The following XIRP2 variants were observed in gnomAD, a reference collection of about 807,000 sequenced individuals.
The protein encoded by XIRP2 is xin actin-binding repeat-containing protein 2.
Under a neutral mutation model 277.0 loss-of-function variants are expected in XIRP2, and 236 were observed. That is an observed-to-expected ratio of 0.85 (90% confidence interval 0.77 to 0.95). The LOEUF is 0.95. Among genes scored for constraint, XIRP2 ranks in the 40% least tolerant of loss-of-function variants. XIRP2 has a pLI of 0.00. For synonymous variants in XIRP2, 1,490 were observed against 1,416.5 expected, an observed-to-expected ratio of 1.05 and a Z score of -1.17; for missense variants, 4,640 against 4,157.5, an observed-to-expected ratio of 1.12 and a Z score of -3.19.
intron 3 of XIRP2, among the ~76,000 whole-genome samples, chr2:167,139,079 T>C (rs917126788): frequency 6.6e-6 from 1 of 150,542 alleles, no homozygotes; most frequent in Non-Finnish European, 1.5e-5. Context: ...AAAATATATA[T>C]ATATGCATAT....
At chr2:167,025,939 G>T (rs569496968) in intron 2 of XIRP2, among the ~76,000 whole-genome samples, 8 of 152,220 alleles carry the variant, frequency 5.3e-5, no homozygotes, top group Admixed American at 2.0e-4. Flanking sequence ...CTGTTGATTT[G>T]GGGTGGAGAG....
chr2:167,023,433 T>C (rs981758851), intron 2 of XIRP2, among the ~76,000 whole-genome samples: 9 of 151,996 alleles, frequency 5.9e-5, no homozygotes, highest in African/African-American at 2.2e-4. Flanking sequence ...GTAGTTTCTT[T>C]TGCTGTGCAG....
chr2:166,922,426 T>G (rs187888724), intron 2 of XIRP2, among the ~76,000 whole-genome samples: 82 of 152,272 alleles, frequency 5.4e-4, no homozygotes, highest in Non-Finnish European at 5.7e-4. Flanking sequence ...TTTGCAGCAG[T>G]GCCTCAAAGG....
chr2:166,974,469 A>G (rs1444320665), intron 2 of XIRP2, among the ~76,000 whole-genome samples: 1 of 152,082 alleles, frequency 6.6e-6, no homozygotes. Context: ...ATATATATAT[A>G]CACATATATA....
rs747594128 is a variant in XIRP2, at chr2:167,250,923, T to A, written c.9531T>A (p.Ser3177Arg). The A allele has an allele frequency of 1.9e-6, 3 of 1,611,224 alleles. No homozygotes were observed. Among genetic ancestry groups the A allele is most frequent in the Non-Finnish European group, 2.5e-6 (3 of 1,179,476 alleles). Residue 3177 changes from serine (S) to arginine (R), a missense_variant, in exon 9 of 11, where the codon AGT (serine) becomes AGA (arginine). Physicochemically the swap from Ser to Arg is moderately radical, Grantham distance 110. Transcript: ENST00000409195. The part of the protein sequence containing the change: ...RANTSPSPPR[S>R]RSEQLVRLKD... Reference sequence around the variant, plus strand: ...ACACTTCCCCTTCTCCACCCAGGAGTCGCTCTGAACAACTTGTCAGACTCA... The same window carrying A: ...ACACTTCCCCTTCTCCACCCAGGAGACGCTCTGAACAACTTGTCAGACTCA...
intron 3 of XIRP2, chr2:167,184,779 T>C: frequency 1.6e-6 from 1 of 621,456 alleles, no homozygotes. Flanking sequence ...CTGATGCTAA[T>C]TACTAGCATC....
intron 5 of XIRP2, among the ~76,000 whole-genome samples, chr2:167,225,055 A>G (rs1307304350): frequency 1.3e-5 from 2 of 152,230 alleles, no homozygotes; most frequent in African/African-American, 4.8e-5. Flanking sequence ...ATAAATGACA[A>G]GATAAGGTGG....
At chr2:166,936,786 A>G (rs985318295) in intron 2 of XIRP2, among the ~76,000 whole-genome samples, 6 of 152,148 alleles carry the variant, frequency 3.9e-5, no homozygotes, top group African/African-American at 1.2e-4. Flanking sequence ...CTGTTTTGGT[A>G]CCAGTACCAT....
At chr2:167,026,229 T>G (rs1418950478) in intron 2 of XIRP2, among the ~76,000 whole-genome samples, 1 of 152,198 alleles carries the variant, frequency 6.6e-6, no homozygotes, top group African/African-American at 2.4e-5. Context: ...TTGTCTCTTT[T>G]GAGCTTTGTT....
At chr2:167,002,212 A>G (rs1344194117) in intron 2 of XIRP2, among the ~76,000 whole-genome samples, 4 of 152,046 alleles carry the variant, frequency 2.6e-5, no homozygotes, top group African/African-American at 9.7e-5. Context: ...TTTATTACCT[A>G]AAGCATCCGG....
chr2:167,129,240 T>G (rs1340211137), intron 2 of XIRP2, among the ~76,000 whole-genome samples: 1 of 152,212 alleles, frequency 6.6e-6, no homozygotes, highest in Non-Finnish European at 1.5e-5. Flanking sequence ...TTTTTATTTC[T>G]CTAAAGGTAA....
intron 2 of XIRP2, among the ~76,000 whole-genome samples, chr2:166,907,286 A>T (rs746259582): frequency 6.6e-6 from 1 of 152,200 alleles, no homozygotes; most frequent in Non-Finnish European, 1.5e-5. Context: ...TTTGTTGCAA[A>T]ATTACAGGTC....
Position 167,245,060 on chromosome 2 carries a change from T to C in XIRP2, c.3668T>C (p.Ile1223Thr), listed in dbSNP as rs75802875. ...AGTTCAGAGGAAGTTTTGAAAAAGA[T>C]CAAAACCTTAAAAACTGAAGATATT... ...SSSSEEVLKK[I>T]KTLKTEDIQK... The change falls in exon 9 of 11, where the codon ATC becomes ACC. Residue 1223 changes from isoleucine to threonine, a missense_variant. Ile to Thr is a moderately conservative substitution (Grantham distance 89, BLOSUM62 -1). Coordinates refer to ENST00000409195, the MANE Select transcript of XIRP2 (RefSeq NM_152381.6). 2,697 of 1,610,962 alleles carry C rather than the reference T, an allele frequency of 1.7e-3. 80 individuals are homozygous for C. The East Asian group carries it at 0.056, about 33-fold the overall frequency.
intron 2 of XIRP2, among the ~76,000 whole-genome samples, chr2:166,912,877 A>C (rs1191512871): frequency 1.3e-5 from 1 of 76,206 alleles, no homozygotes; most frequent in African/African-American, 1.4e-4. Context: ...TCCACTCGAG[A>C]CCGTTTCCCT....
At chr2:167,088,742 A>T (rs1423825047) in intron 2 of XIRP2, among the ~76,000 whole-genome samples, 1 of 152,070 alleles carries the variant, frequency 6.6e-6, no homozygotes, top group Non-Finnish European at 1.5e-5. Context: ...TCTCAACTTC[A>T]AACACATTTT....
At chr2:167,228,898 AT>A (rs1187603321) in intron 5 of XIRP2, among the ~76,000 whole-genome samples, 1 of 152,152 alleles carries the variant, frequency 6.6e-6, no homozygotes, top group Non-Finnish European at 1.5e-5. Context: ...TATAGAACCT[AT>A]TTTCAATTTC....
chr2:166,943,497 A>G (rs533239391), intron 2 of XIRP2, among the ~76,000 whole-genome samples: 1 of 152,180 alleles, frequency 6.6e-6, no homozygotes, highest in Non-Finnish European at 1.5e-5. Context: ...TTTGTTCATC[A>G]TATCACCACT....
intron 3 of XIRP2, among the ~76,000 whole-genome samples, chr2:167,207,030 C>A (rs1293424683): frequency 6.6e-6 from 1 of 151,918 alleles, no homozygotes; most frequent in East Asian, 1.9e-4. Context: ...AACACATTGA[C>A]CCTAGCTCTA....
chr2:167,235,623 A>G (rs1694880561), intron 5 of XIRP2, among the ~76,000 whole-genome samples: 2 of 151,916 alleles, frequency 1.3e-5, no homozygotes, highest in Non-Finnish European at 1.5e-5. Context: ...GATAATACAG[A>G]TGTGTGCTAA....
Sources: gnomAD v4.1 joint callset for allele counts (sites outside exome capture counted in the v4.1 genomes callset) on GRCh38, gnomAD v4.1.1 for gene constraint, MANE v1.5 for transcripts, NCBI Gene and HGNC (gene_info 2026-07-23, HGNC 2026-07-21) for gene names.